Variants in PTPRK observed in about 807,000 individuals in gnomAD.
PTPRK encodes receptor-type tyrosine-protein phosphatase kappa.
In PTPRK, 75 loss-of-function variants were observed where a neutral mutation model predicts 178.0. That is an observed-to-expected ratio of 0.42 (90% CI 0.35 to 0.51). The LOEUF (loss-of-function observed/expected upper bound fraction) is 0.51, where lower values mean the gene tolerates loss of function less well. Ranked by LOEUF, PTPRK falls within the 20% of genes least tolerant of loss-of-function variation. The pLI is 0.02. For synonymous variants in PTPRK, 637 were observed against 620.6 expected (o/e 1.03, Z -0.39); for missense variants, 1,441 against 1,797.8 (o/e 0.80, Z 3.59).
chr6:128,510,417 T>C (rs2128442813), intron 1 of PTPRK, among the ~76,000 whole-genome samples: 1 of 152,330 alleles, frequency 6.6e-6, no homozygotes, highest in Non-Finnish European at 1.5e-5. Context: ...TAGCAACTCT[T>C]CCTAATATCC....
intron 2 of PTPRK, among the ~76,000 whole-genome samples, chr6:128,343,522 A>AAAAAAG (rs1831975891): frequency 6.6e-6 from 1 of 151,644 alleles, no homozygotes; most frequent in African/African-American, 2.4e-5. Flanking sequence ...AAAAGAAAAG[A>AAAAAAG]AAAAAGAATC....
At chr6:128,214,662 G>T (rs1041037007) in intron 6 of PTPRK, among the ~76,000 whole-genome samples, 1 of 151,994 alleles carries the variant, frequency 6.6e-6, no homozygotes, top group Non-Finnish European at 1.5e-5. Flanking sequence ...AGACTAGGTG[G>T]TAGGCCTGGC....
chr6:127,995,576 T>C (rs778893198), intron 17 of PTPRK, 38 bp from the exon 18 acceptor site: 1 of 1,294,546 alleles, frequency 7.7e-7, no homozygotes, highest in Non-Finnish European at 1.1e-6. Flanking sequence ...CTGTTAAATT[T>C]TCCCCCTGTT....
At chr6:128,355,781 A>G (rs531672284) in intron 2 of PTPRK, among the ~76,000 whole-genome samples, 41 of 152,190 alleles carry the variant, frequency 2.7e-4, no homozygotes, top group Non-Finnish European at 3.7e-4. Flanking sequence ...ATGTACCCTA[A>G]AACTTAAAGT....
intron 1 of PTPRK, among the ~76,000 whole-genome samples, chr6:128,404,279 G>C (rs559895802): frequency 6.6e-6 from 1 of 152,218 alleles, no homozygotes; most frequent in Non-Finnish European, 1.5e-5. Context: ...AATAAAGTGA[G>C]ACTAGAAAAG....
chr6:128,090,130 T>G lies in PTPRK; in HGVS notation c.1163-138A>C. ...ATGTTTTATTTTCCTTTGCTTTATT[T>G]ATTCATGATCCTATTCTTGAAGGTT... is the stretch of plus-strand genomic sequence containing the variant. On this transcript the variant is annotated intron_variant, in intron 7 of 29. Transcript: ENST00000368226. 3 of 697,050 alleles carry G rather than the reference T, an allele frequency of 4.3e-6. No homozygotes were observed. The East Asian group carries it at 8.2e-5, about 19-fold the overall frequency. 43.2% of individuals were successfully genotyped at this position (697,050 alleles called of 1,614,324 possible). A position where few individuals can be genotyped will look rare whatever the true frequency, so the allele number is the denominator to read the frequency against.
intron 3 of PTPRK, among the ~76,000 whole-genome samples, chr6:128,308,029 C>A (rs1310162638): frequency 2.0e-5 from 3 of 151,864 alleles, no homozygotes; most frequent in Admixed American, 6.6e-5. Flanking sequence ...CCCAACTATC[C>A]ATAGACAAAT....
intron 7 of PTPRK, among the ~76,000 whole-genome samples, chr6:128,181,471 C>T (rs1037640396): frequency 2.0e-5 from 3 of 151,728 alleles, no homozygotes; most frequent in Non-Finnish European, 4.4e-5. Context: ...AGTCCCAGTC[C>T]TAATTAAAAA....
chr6:128,460,476 A>T (rs1318312911), intron 1 of PTPRK, among the ~76,000 whole-genome samples: 1 of 152,084 alleles, frequency 6.6e-6, no homozygotes, highest in Non-Finnish European at 1.5e-5. Context: ...CAGGAGGTTG[A>T]GGCTGCAGTG....
intron 1 of PTPRK, among the ~76,000 whole-genome samples, chr6:128,515,518 T>C (rs1287173736): frequency 6.6e-6 from 1 of 152,108 alleles, no homozygotes; most frequent in Non-Finnish European, 1.5e-5. Context: ...ATGATCAAAG[T>C]GTAAAGACTG....
chr6:128,508,375 C>T (rs1856670800), intron 1 of PTPRK, among the ~76,000 whole-genome samples: 2 of 150,696 alleles, frequency 1.3e-5, no homozygotes, highest in Non-Finnish European at 3.0e-5. Flanking sequence ...CAGGATCATG[C>T]TCTTAAAAAC....
At chr6:127,989,501 T>C (rs993983420) in intron 21 of PTPRK, among the ~76,000 whole-genome samples, 14 of 152,010 alleles carry the variant, frequency 9.2e-5, no homozygotes, top group African/African-American at 3.4e-4. Context: ...TCTATAAGTT[T>C]TTAATACTAT....
intron 5 of PTPRK, among the ~76,000 whole-genome samples, chr6:128,220,078 A>G (rs768413948): frequency 2.6e-4 from 40 of 152,224 alleles, no homozygotes; most frequent in Admixed American, 5.9e-4. Context: ...GACAAGAGTA[A>G]TAAGTATAAA....
intron 1 of PTPRK, among the ~76,000 whole-genome samples, chr6:128,461,800 G>T: frequency 6.6e-6 from 1 of 152,010 alleles, no homozygotes; most frequent in East Asian, 1.9e-4. Context: ...TCCCATCTCT[G>T]CAGATTTACC....
At chr6:128,152,527 G>C (rs570025093) in intron 7 of PTPRK, among the ~76,000 whole-genome samples, 3 of 150,548 alleles carry the variant, frequency 2.0e-5, no homozygotes, top group African/African-American at 7.4e-5. Context: ...AGAGACTGAG[G>C]AATTGGGTTT....
chr6:128,095,402 A>G (rs900550455), intron 7 of PTPRK, among the ~76,000 whole-genome samples: 5 of 152,064 alleles, frequency 3.3e-5, no homozygotes, highest in Non-Finnish European at 7.4e-5. Context: ...AGCTTGTCCA[A>G]CCTACCCCAT....
At chr6:128,477,986 G>C (rs1291572723) in intron 1 of PTPRK, among the ~76,000 whole-genome samples, 1 of 152,044 alleles carries the variant, frequency 6.6e-6, no homozygotes, top group Non-Finnish European at 1.5e-5. Context: ...TGCACAATAC[G>C]TGTAAAGATA....
chr6:128,509,340 C>T (rs1409349255), intron 1 of PTPRK, among the ~76,000 whole-genome samples: 1 of 152,146 alleles, frequency 6.6e-6, no homozygotes, highest in Non-Finnish European at 1.5e-5. Context: ...GGGGACTGCT[C>T]TTTATGATAC....
At chr6:128,198,117 C>T (rs1463990289) in intron 6 of PTPRK, among the ~76,000 whole-genome samples, 2 of 152,066 alleles carry the variant, frequency 1.3e-5, no homozygotes, top group African/African-American at 2.4e-5. Flanking sequence ...ACATATCACC[C>T]AAATTTATAG....
Sources: allele counts gnomAD v4.1 joint callset (sites outside exome capture counted in the v4.1 genomes callset), GRCh38; gene constraint gnomAD v4.1.1; transcripts MANE v1.5; gene names NCBI Gene and HGNC (gene_info 2026-07-23, HGNC 2026-07-21).